GBE1: variants seen among roughly 807,000 people sequenced by gnomAD.
The protein encoded by GBE1 is 1,4-alpha-glucan branching enzyme 1, also known as 1,4-alpha-glucan-branching enzyme.
A neutral mutation model predicts 88.8 loss-of-function variants in GBE1; 70 were observed. The ratio of observed to expected loss-of-function variants is 0.79; its 90% CI spans 0.65 to 0.96. The LOEUF is 0.96. Ranked by LOEUF, GBE1 falls within the 40% of genes least tolerant of loss-of-function variation. The pLI is 0.00. For synonymous variants in GBE1, 284 were observed against 300.1 expected (o/e 0.95, Z 0.56); for missense variants, 872 against 871.0 (o/e 1.00, Z -0.01).
At chr3:81,710,230 A>ATTTTTTTT (rs375326721) in intron 1 of GBE1, among the ~76,000 whole-genome samples, 23 of 74,678 alleles carry the variant, frequency 3.1e-4, no homozygotes, top group East Asian at 2.0e-3. Context: ...AAGGTAATTA[A>ATTTTTTTT]TCTTTTTTTT....
At chr3:81,577,102 C>A (rs1312454992) in intron 12 of GBE1, among the ~76,000 whole-genome samples, 3 of 151,766 alleles carry the variant, frequency 2.0e-5, no homozygotes, top group African/African-American at 2.4e-5. Context: ...CCACACCCAG[C>A]ATTTTTTTTT....
chr3:81,500,661 A>G (rs1349030385), intron 14 of GBE1, among the ~76,000 whole-genome samples: 1 of 152,218 alleles, frequency 6.6e-6, no homozygotes, highest in Non-Finnish European at 1.5e-5. Context: ...GTTAAGAATC[A>G]CTGACTGGTA....
intron 1 of GBE1, among the ~76,000 whole-genome samples, chr3:81,707,621 T>G (rs1188973598): frequency 6.6e-6 from 1 of 151,846 alleles, no homozygotes; most frequent in Non-Finnish European, 1.5e-5. Context: ...AAAAAAGGCA[T>G]GAGTGAAAGG....
chr3:81,713,153 G>T (rs1705893960), intron 1 of GBE1, among the ~76,000 whole-genome samples: 1 of 152,220 alleles, frequency 6.6e-6, no homozygotes, highest in African/African-American at 2.4e-5. Flanking sequence ...CCTGAGATAA[G>T]CAAGTGTTCA....
chr3:81,721,101 A>G (rs548425041), intron 1 of GBE1, among the ~76,000 whole-genome samples: 44 of 107,904 alleles, frequency 4.1e-4, no homozygotes, highest in African/African-American at 1.7e-3. Flanking sequence ...ACCTAATGCT[A>G]GATGACACAT....
At position 81,761,487 on chromosome 3, in the gene GBE1, G is replaced by A. The variant is rs374736117; in HGVS notation, c.31C>T (p.Pro11Ser). The change falls in exon 1 of 16, where the codon CCC becomes TCC. Residue 11 changes from proline to serine, a missense_variant. By Grantham distance (74) the Pro-to-Ser change is moderately conservative. Coordinates refer to ENST00000429644, the MANE Select transcript of GBE1 (RefSeq NM_000158.4). MAAPMTPAAR[P>S]EDYEAALNAA... ...TTGAGCGCCGCCTCGTAGTCCTCGGGCCGAGCCGCGGGAGTCATCGGAGCC... is the reference window on the plus strand; with the variant it reads ...TTGAGCGCCGCCTCGTAGTCCTCGGACCGAGCCGCGGGAGTCATCGGAGCC... 4 of 1,610,466 alleles carry A rather than the reference G, an allele frequency of 2.5e-6. No individual in the cohort carries two copies. Among genetic ancestry groups the A allele is most frequent in the Non-Finnish European group, 3.4e-6 (4 of 1,178,880 alleles).
At chr3:81,740,379 C>G (rs1006942475) in intron 1 of GBE1, among the ~76,000 whole-genome samples, 4 of 148,448 alleles carry the variant, frequency 2.7e-5, no homozygotes, top group Non-Finnish European at 4.5e-5. Context: ...GGATCTCTCT[C>G]TTTTTTTTTT....
At chr3:81,725,332 T>C (rs1052825361) in intron 1 of GBE1, among the ~76,000 whole-genome samples, 1 of 152,110 alleles carries the variant, frequency 6.6e-6, no homozygotes, top group African/African-American at 2.4e-5. Context: ...TTATTTTCTT[T>C]CCTTATATCT....
intron 1 of GBE1, among the ~76,000 whole-genome samples, chr3:81,710,084 T>C (rs1204714269): frequency 2.0e-5 from 3 of 151,984 alleles, no homozygotes; most frequent in African/African-American, 7.3e-5. Context: ...AAGACATAAA[T>C]TGTCCAAGAT....
intron 12 of GBE1, among the ~76,000 whole-genome samples, chr3:81,573,351 A>T (rs1380398534): frequency 6.6e-6 from 1 of 152,206 alleles, no homozygotes; most frequent in Non-Finnish European, 1.5e-5. Context: ...GATCTCATAC[A>T]TAACTTTCCT....
intron 3 of GBE1, among the ~76,000 whole-genome samples, chr3:81,652,958 T>C (rs996424672): frequency 4.6e-5 from 7 of 152,206 alleles, no homozygotes; most frequent in African/African-American, 1.7e-4. Flanking sequence ...TTATGTCATT[T>C]AACTCACAAC....
intron 7 of GBE1, among the ~76,000 whole-genome samples, chr3:81,603,587 CAG>C (rs1184239882): frequency 6.6e-6 from 1 of 152,118 alleles, no homozygotes; most frequent in African/African-American, 2.4e-5. Context: ...CTCTGCCTCC[CAG>C]GTTCAAGCAA....
chr3:81,667,170 TA>T (rs1705123438), intron 3 of GBE1, among the ~76,000 whole-genome samples: 1 of 152,210 alleles, frequency 6.6e-6, no homozygotes, highest in South Asian at 2.1e-4. Flanking sequence ...CATCCCTTGT[TA>T]ACTGTATTTC....
At chr3:81,716,702 A>G (rs1242152460) in intron 1 of GBE1, among the ~76,000 whole-genome samples, 1 of 152,220 alleles carries the variant, frequency 6.6e-6, no homozygotes, top group South Asian at 2.1e-4. Flanking sequence ...CATTAATGTA[A>G]ACATATTTTG....
chr3:81,750,653 ATATATG>A (rs1288697364), intron 1 of GBE1, among the ~76,000 whole-genome samples: 671 of 62,012 alleles, frequency 0.011, 94 homozygotes, highest in African/African-American at 0.059. Flanking sequence ...ATGTATATAT[ATATATG>A]TATATATATA....
At chr3:81,578,136 A>AAAAAAATTAGCCAGGCATG in intron 11 of GBE1, 40 bp from the exon 12 acceptor site, 1 of 1,429,504 alleles carries the variant, frequency 7.0e-7, no homozygotes, top group Non-Finnish European at 9.5e-7. Context: ...GAAAAAAAAA[A>AAAAAAATTAGCCAGGCATG]GTGCTAAGTA....
chr3:81,591,528 T>C (rs1263121976), intron 8 of GBE1, among the ~76,000 whole-genome samples: 1 of 152,144 alleles, frequency 6.6e-6, no homozygotes, highest in African/African-American at 2.4e-5. Context: ...TGTTAGTTTG[T>C]ATTAGATCCC....
intron 7 of GBE1, among the ~76,000 whole-genome samples, chr3:81,636,776 C>T (rs191766387): frequency 1.2e-3 from 179 of 152,134 alleles, no homozygotes; most frequent in Non-Finnish European, 1.0e-3. Context: ...GTGATCAGCC[C>T]CCCTTGGCCT....
chr3:81,606,763 C>T (rs1292928167), intron 7 of GBE1, among the ~76,000 whole-genome samples: 2 of 152,184 alleles, frequency 1.3e-5, no homozygotes. Flanking sequence ...GTTACTCTGC[C>T]AACCATATCA....
Sources: gnomAD v4.1 joint callset for allele counts (sites outside exome capture counted in the v4.1 genomes callset) on GRCh38, gnomAD v4.1.1 for gene constraint, MANE v1.5 for transcripts, NCBI Gene and HGNC (gene_info 2026-07-23, HGNC 2026-07-21) for gene names.